The following MAN2A1 variants were observed in gnomAD, a reference collection of about 807,000 sequenced individuals.
MAN2A1 encodes the protein alpha-mannosidase 2.
A neutral mutation model predicts 142.6 loss-of-function variants in MAN2A1; 76 were observed. The ratio of observed to expected loss-of-function variants is 0.53; its 90% CI spans 0.44 to 0.65. MAN2A1 has a LOEUF of 0.65. Among genes scored for constraint, MAN2A1 ranks in the 30% least tolerant of loss-of-function variants. The probability of loss-of-function intolerance (pLI) is 0.00; values close to 1 mark genes in which losing one functional copy is unlikely to be tolerated. For synonymous variants in MAN2A1, 559 were observed against 473.2 expected (o/e 1.18, Z -2.35); for missense variants, 1,311 against 1,365.1 (o/e 0.96, Z 0.62).
chr5:109,744,080 A>T (rs1752338604), intron 4 of MAN2A1, among the ~76,000 whole-genome samples: 2 of 152,016 alleles, frequency 1.3e-5, no homozygotes, highest in South Asian at 4.1e-4. Context: ...CTCATTTTTA[A>T]CACTCAGCTG....
At chr5:109,799,066 C>T (rs1041041956) in intron 12 of MAN2A1, among the ~76,000 whole-genome samples, 15 of 152,150 alleles carry the variant, frequency 9.9e-5, no homozygotes, top group African/African-American at 3.4e-4. Context: ...CAGACTGCTA[C>T]TGTCCCTCCA....
intron 5 of MAN2A1, among the ~76,000 whole-genome samples, chr5:109,763,126 G>A (rs975607455): frequency 6.6e-6 from 1 of 152,176 alleles, no homozygotes; most frequent in Non-Finnish European, 1.5e-5. Context: ...TTTTGTTGTT[G>A]TTTTTTAAAC....
chr5:109,811,596 GTGTGTGTGTGTCTGTGTC>G (rs1312497770), intron 12 of MAN2A1, among the ~76,000 whole-genome samples: 1 of 151,802 alleles, frequency 6.6e-6, no homozygotes, highest in Non-Finnish European at 1.5e-5. Context: ...GTGTGTGTGT[GTGTGTGTGTGTCTGTGTC>G]TGTGTGTCTG....
chr5:109,790,287 A>G (rs10037817), intron 12 of MAN2A1, among the ~76,000 whole-genome samples: 12,784 of 151,868 alleles, frequency 0.084, 638 homozygotes, highest in African/African-American at 0.15. Flanking sequence ...GTAATTCATT[A>G]TTTCAACTAA....
intron 8 of MAN2A1, among the ~76,000 whole-genome samples, chr5:109,776,917 A>G (rs1336537117): frequency 6.6e-6 from 1 of 152,132 alleles, no homozygotes; most frequent in Non-Finnish European, 1.5e-5. Flanking sequence ...TGCAGGTAGC[A>G]GTAGTTCATT....
chr5:109,690,858 G>A (rs1220557021), intron 1 of MAN2A1, among the ~76,000 whole-genome samples: 1 of 152,144 alleles, frequency 6.6e-6, no homozygotes, highest in East Asian at 1.9e-4. Context: ...TGCTGGCGGG[G>A]GAACGGGCGC....
chr5:109,717,398 A>T (rs1430452066), intron 3 of MAN2A1, among the ~76,000 whole-genome samples: 1 of 152,088 alleles, frequency 6.6e-6, no homozygotes, highest in Non-Finnish European at 1.5e-5. Flanking sequence ...TGGATATTGA[A>T]ATGCTTGGAT....
rs544499156 is a variant in MAN2A1 at position 109,798,303 on chromosome 5, C to T, written c.1943+8776C>T. 1.3e-4 allele frequency among the ~76,000 whole-genome samples: 20 copies of T among 152,274 alleles called. No individual in the cohort carries two copies. In the East Asian group the frequency reaches 2.3e-3, roughly 18 times the overall value. On this transcript the variant is annotated intron_variant, in intron 12 of 21. Transcript: ENST00000261483. The stretch of plus-strand genomic sequence containing the variant: ...CCAACTTCTGGTGAGAGTGATATTT[C>T]GTATTCCATTGCCTTCACTTACTAT...
rs1217210932 is a variant in MAN2A1 at position 109,734,782 on chromosome 5, TA to T, written c.707+5270del. Among the ~76,000 whole-genome samples the T allele has an allele frequency of 3.9e-5, 6 of 152,182 alleles. No individual in the cohort carries two copies. The South Asian group carries it at 8.3e-4, about 21-fold the overall frequency. On this transcript the variant is annotated intron_variant, in intron 4 of 21. Coordinates refer to ENST00000261483, the MANE Select transcript of MAN2A1 (RefSeq NM_002372.4). ...CTTTTACGTTTGCTGAGGAGGGCTT[TA>T]CTTCCAACTATGTGGTCAATTTTGG...
At chr5:109,860,216 T>C (rs774851435) in intron 20 of MAN2A1, among the ~76,000 whole-genome samples, 11 of 152,188 alleles carry the variant, frequency 7.2e-5, no homozygotes, top group Non-Finnish European at 1.6e-4. Flanking sequence ...AATTCCTTTG[T>C]TGTACGTATC....
At chr5:109,721,567 C>A (rs181533312) in intron 3 of MAN2A1, among the ~76,000 whole-genome samples, 35 of 152,254 alleles carry the variant, frequency 2.3e-4, no homozygotes, top group Admixed American at 2.0e-3. Flanking sequence ...TGCATTTTAT[C>A]TGACAACCTT....
rs760660317 is a variant in MAN2A1 at position 109,781,509 on chromosome 5, T to C, written c.1488T>C (p.Tyr496=). The C allele has an allele frequency of 9.3e-6, 15 of 1,613,274 alleles. No individual in the cohort carries two copies. The highest frequency in any genetic ancestry group is 2.2e-5 in the East Asian group (1 of 44,816). ...TTTTAAGTGGAGATTTTTTCACTTA[T>C]GCCGATCGAGATGATCATTACTGGA... The part of the protein sequence containing the change: ...FPVLSGDFFT[Y]ADRDDHYWSG... The change falls in exon 9 of 22, where the codon TAT becomes TAC. Residue 496 remains tyrosine (Y), a synonymous_variant. Coordinates refer to ENST00000261483, the MANE Select transcript of MAN2A1 (RefSeq NM_002372.4).
chr5:109,706,184 ACTGCAG>A (rs1354778075), intron 1 of MAN2A1, among the ~76,000 whole-genome samples: 5 of 152,200 alleles, frequency 3.3e-5, no homozygotes, highest in Non-Finnish European at 7.3e-5. Flanking sequence ...AGATGAGGAA[ACTGCAG>A]CACAGAGAAG....
intron 20 of MAN2A1, chr5:109,862,817 C>A (rs1755789259): frequency 6.6e-6 from 1 of 152,122 alleles, no homozygotes; most frequent in Non-Finnish European, 1.5e-5. Flanking sequence ...AAAACTTGGA[C>A]AAGATGATTG....
rs1342352301 is a variant in MAN2A1, at chr5:109,868,738, A to G, written c.*1740A>G. 6.6e-6 allele frequency: 1 copy of G among 152,168 alleles called. No individual in the cohort carries two copies. The highest frequency in any genetic ancestry group is 1.9e-4 in the East Asian group (1 of 5,206). 9.4% of individuals were successfully genotyped at this position (152,168 alleles called of 1,614,324 possible). On this transcript the variant is annotated 3_prime_UTR_variant, in exon 22 of 22. Transcript: ENST00000261483. ...ATGTACCGTAAGTTTTCTTCCACAT[A>G]TTTTGGGAAAAAACTAAAAAAAGAA...
At chr5:109,724,716 G>A (rs1288670193) in intron 3 of MAN2A1, among the ~76,000 whole-genome samples, 3 of 152,024 alleles carry the variant, frequency 2.0e-5, no homozygotes, top group Non-Finnish European at 4.4e-5. Flanking sequence ...CATTATTATA[G>A]CAATCAAAAC....
chr5:109,769,504 G>T (rs932822813), intron 6 of MAN2A1, among the ~76,000 whole-genome samples: 1 of 152,060 alleles, frequency 6.6e-6, no homozygotes, highest in African/African-American at 2.4e-5. Flanking sequence ...AAGGGCGGGG[G>T]CTATTTAAAA....
intron 5 of MAN2A1, among the ~76,000 whole-genome samples, chr5:109,757,759 T>A (rs1391755171): frequency 3.9e-5 from 6 of 152,170 alleles, no homozygotes; most frequent in African/African-American, 1.4e-4. Flanking sequence ...ATATATGGAT[T>A]GGACTATTCT....
At position 109,817,412 on chromosome 5, in the gene MAN2A1, A is replaced by C; in HGVS notation, c.2083A>C (p.Asn695His). ...AGTCAGCGCAGTTTGGGATACAGCA[A>C]ATACTATTTCAGAAACAGCCTATGA... ...VQVSAVWDTA[N>H]TISETAYEIS... The change falls in exon 13 of 22, where the codon AAT (asparagine) becomes CAT (histidine). Residue 695 changes from asparagine (N) to histidine (H), a missense_variant. Asn to His is a moderately conservative substitution (Grantham distance 68). Transcript: ENST00000261483. 6.2e-7 allele frequency: 1 copy of C among 1,614,076 alleles called. No homozygotes were observed. Among genetic ancestry groups the C allele is most frequent in the Non-Finnish European group, 8.5e-7 (1 of 1,179,976 alleles).
Sources: gnomAD v4.1 joint callset for allele counts (sites outside exome capture counted in the v4.1 genomes callset) on GRCh38, gnomAD v4.1.1 for gene constraint, MANE v1.5 for transcripts, NCBI Gene and HGNC (gene_info 2026-07-23, HGNC 2026-07-21) for gene names.